Variants in CETP observed in about 807,000 individuals in gnomAD.
CETP encodes the protein BPI fold containing family F.
CETP carries 56 observed loss-of-function variants against 66.5 expected under a neutral mutation model. The ratio of observed to expected loss-of-function variants is 0.84; its 90% CI spans 0.68 to 1.05. The LOEUF is 1.05. CETP is among the 50% of genes least tolerant of loss of function. The pLI, the probability that CETP is intolerant of heterozygous loss-of-function variation, is 0.00. For synonymous variants in CETP, 251 were observed against 245.7 expected, an observed-to-expected ratio of 1.02 and a Z score of -0.20; for missense variants, 612 against 609.6, an observed-to-expected ratio of 1.00 and a Z score of -0.04.
chr16:56,971,474 C>T, intron 7 of CETP, 93 bp downstream of exon 7: 1 of 1,101,988 alleles, frequency 9.1e-7, no homozygotes, highest in South Asian at 1.2e-5. Flanking sequence ...TGTCACTCTT[C>T]CTGTCTAGGT....
In CETP at chr16:56,981,258, A is replaced by G. The variant is rs1597007450; in HGVS notation, c.1214+33A>G. On this transcript the variant is annotated intron_variant, in intron 12 of 15. Coordinates refer to ENST00000200676, the MANE Select transcript of CETP (RefSeq NM_000078.3). ...CTGCAGAGAAGAGAGGGGGCGGTCA[A>G]CTCCGCAAACCTCTCCCTGGCCCCT... The G allele has an allele frequency of 3.3e-6, 5 of 1,535,418 alleles. No individual in the cohort carries two copies. In the Admixed American group the frequency reaches 8.3e-5, roughly 26 times the overall value.
intron 7 of CETP, 22 bp from the exon 8 acceptor site, chr16:56,971,970 C>G (rs12720872): frequency 6.2e-7 from 1 of 1,606,292 alleles, no homozygotes; most frequent in Non-Finnish European, 8.5e-7. Context: ...TGAGGCCCTG[C>G]GTTGATCTTT....
intron 8 of CETP, among the ~76,000 whole-genome samples, chr16:56,973,070 C>T (rs1218058821): frequency 1.3e-5 from 2 of 152,182 alleles, no homozygotes; most frequent in Non-Finnish European, 2.9e-5. Flanking sequence ...TGACTAATGT[C>T]GTTACTTGAA....
intron 2 of CETP, among the ~76,000 whole-genome samples, chr16:56,964,202 T>C (rs564909308): frequency 2.6e-5 from 4 of 151,900 alleles, no homozygotes; most frequent in African/African-American, 9.7e-5. Flanking sequence ...AATTTTTGTA[T>C]TCTTAGTAGA....
Position 56,983,424 on chromosome 16 carries a change from C to T in CETP, c.1407+13C>T. ...TATCACTCGAGATGTGAGTACAAAG[C>T]CCCCCTCACCAGCCCCTGTTCCTGG... On this transcript the variant is annotated intron_variant, in intron 15 of 15. Transcript: ENST00000200676. 3 of 1,613,254 alleles carry T rather than the reference C, an allele frequency of 1.9e-6. No homozygotes were observed. The highest frequency in any genetic ancestry group is 1.7e-6 in the Non-Finnish European group (2 of 1,179,182).
chr16:56,981,702 G>A (rs2056189796), intron 13 of CETP, 22 bp downstream of exon 13: 1 of 1,612,408 alleles, frequency 6.2e-7, no homozygotes, highest in African/African-American at 1.3e-5. Flanking sequence ...TGGATAGACT[G>A]GGGGAAATAA....
rs12708974 is a variant in CETP at position 56,971,638 on chromosome 16, C to T, written c.658+257C>T. On this transcript the variant is annotated intron_variant, in intron 7 of 15. Coordinates refer to ENST00000200676, the MANE Select transcript of CETP (RefSeq NM_000078.3). ...ATGGGTGATTAAGTCCAAGAGGACT[C>T]CAAGATTCTCCTGGAAGTAGATTAG... Among the ~76,000 whole-genome samples the T allele has an allele frequency of 0.087, 13,251 of 152,178 alleles. 734 individuals are homozygous for T. Among genetic ancestry groups the T allele is most frequent in the Middle Eastern group, 0.14 (42 of 294 alleles).
chr16:56,967,977 T>TA (rs11347120), intron 2 of CETP, among the ~76,000 whole-genome samples: 2 of 147,316 alleles, frequency 1.4e-5, no homozygotes, highest in Admixed American at 6.8e-5. Flanking sequence ...AAGAACAAAC[T>TA]AAAAAAAAAA....
chr16:56,982,447 G>C lies in CETP; in HGVS notation c.1321+210G>C, dbSNP rs12149409. On this transcript the variant is annotated intron_variant, in intron 14 of 15. Transcript: ENST00000200676. ...GACCCCTGTTCTTGGTTTACCTGCA[G>C]AATATTATCTTTGCCACCCCGCGGG... Among the ~76,000 whole-genome samples the C allele has an allele frequency of 1.2e-3, 188 of 152,268 alleles. 1 individual carries two copies. The highest frequency in any genetic ancestry group is 1.2e-3 in the Non-Finnish European group (83 of 68,014).
At chr16:56,975,562 A>C (rs1367234055) in intron 10 of CETP, among the ~76,000 whole-genome samples, 1 of 152,182 alleles carries the variant, frequency 6.6e-6, no homozygotes, top group Non-Finnish European at 1.5e-5. Flanking sequence ...CCTGATCCCA[A>C]AGCTGACTTC....
intron 2 of CETP, 121 bp downstream of exon 2, chr16:56,963,245 G>A (rs900253369): frequency 4.3e-5 from 33 of 769,566 alleles, no homozygotes; most frequent in Admixed American, 1.0e-4. Flanking sequence ...CTCTCCCCTT[G>A]ATTTGGAACC....
intron 12 of CETP, among the ~76,000 whole-genome samples, 188 bp from the exon 13 acceptor site, chr16:56,981,459 T>G (rs1165243952): frequency 6.6e-6 from 1 of 152,150 alleles, no homozygotes; most frequent in Non-Finnish European, 1.5e-5. Flanking sequence ...AGGAGAGCGC[T>G]GCCCGAGCAA....
intron 10 of CETP, among the ~76,000 whole-genome samples, chr16:56,976,564 C>T (rs1016074597): frequency 3.3e-5 from 5 of 151,284 alleles, no homozygotes; most frequent in Non-Finnish European, 7.4e-5. Context: ...CTCCACCTTC[C>T]GGGTTCAAGC....
intron 2 of CETP, among the ~76,000 whole-genome samples, chr16:56,967,563 G>C (rs2056076481): frequency 1.3e-5 from 2 of 150,796 alleles, no homozygotes; most frequent in Admixed American, 1.3e-4. Context: ...GCTGAGGCAG[G>C]AGAATCACTT....
rs1318445802 is a variant in CETP, at chr16:56,972,339, C to T, written c.750+256C>T. On this transcript the variant is annotated intron_variant, in intron 8 of 15. Coordinates refer to ENST00000200676, the MANE Select transcript of CETP (RefSeq NM_000078.3). ...ATCCCAGCAAAGCACCAGCTCCTTC[C>T]TAGAGGGCTTATTCGGCTTCTGTCA... 2.0e-5 allele frequency among the ~76,000 whole-genome samples: 3 copies of T among 152,142 alleles called. No individual in the cohort carries two copies. The East Asian group carries it at 5.8e-4, about 29-fold the overall frequency.
chr16:56,965,604 G>A (rs2056060307), intron 2 of CETP, among the ~76,000 whole-genome samples: 1 of 152,154 alleles, frequency 6.6e-6, no homozygotes, highest in Non-Finnish European at 1.5e-5. Context: ...ACTACCTCGT[G>A]GGTAGCTGTG....
At chr16:56,969,751 T>C (rs1203287071) in intron 4 of CETP, 70 bp downstream of exon 4, 30 of 1,589,502 alleles carry the variant, frequency 1.9e-5, no homozygotes, top group Non-Finnish European at 2.5e-5. Context: ...GAGGGGGAGG[T>C]TGTGCAGGCA....
chr16:56,962,218 G>A (rs1483562404), intron 1 of CETP, 121 bp downstream of exon 1: 2 of 861,732 alleles, frequency 2.3e-6, no homozygotes, highest in Non-Finnish European at 3.9e-6. Flanking sequence ...CCAGAGAGAG[G>A]AGTGCCCTGG....
chr16:56,971,499 C>T (rs1434369055), intron 7 of CETP, 118 bp downstream of exon 7: 3 of 900,076 alleles, frequency 3.3e-6, no homozygotes, highest in Non-Finnish European at 5.5e-6. Flanking sequence ...TGGGCTCTAT[C>T]TGGCTCTGAC....
Sources: gnomAD v4.1 joint callset for allele counts (sites outside exome capture counted in the v4.1 genomes callset) on GRCh38, gnomAD v4.1.1 for gene constraint, MANE v1.5 for transcripts, NCBI Gene and HGNC (gene_info 2026-07-23, HGNC 2026-07-21) for gene names.